The following ZNF330 variants were observed in gnomAD, a reference collection of about 807,000 sequenced individuals.
The protein encoded by ZNF330 is nucleolar atypical zinc finger.
A neutral mutation model predicts 45.5 loss-of-function variants in ZNF330; 31 were observed. That is an observed-to-expected ratio of 0.68 (90% CI 0.51 to 0.92). The LOEUF is 0.92. ZNF330 is among the 40% of genes least tolerant of loss of function. The probability of loss-of-function intolerance (pLI) is 0.00; values close to 1 mark genes in which losing one functional copy is unlikely to be tolerated. For synonymous variants in ZNF330, 138 were observed against 123.2 expected (o/e 1.12, Z -0.79); for missense variants, 356 against 387.4 (o/e 0.92, Z 0.68).
intron 4 of ZNF330, among the ~76,000 whole-genome samples, chr4:141,224,976 A>G (rs1728768165): frequency 6.6e-6 from 1 of 152,130 alleles, no homozygotes; most frequent in Non-Finnish European, 1.5e-5. Context: ...GTGATCCTGA[A>G]CTTTTAGTTA....
chr4:141,224,990 T>C (rs1728768604), intron 4 of ZNF330, among the ~76,000 whole-genome samples: 1 of 152,148 alleles, frequency 6.6e-6, no homozygotes, highest in South Asian at 2.1e-4. Flanking sequence ...TTAGTTATAC[T>C]ACCTTAGTCT....
intron 9 of ZNF330, 92 bp downstream of exon 9, chr4:141,232,734 CTCT>C (rs1230364103): frequency 3.3e-6 from 2 of 602,998 alleles, no homozygotes; most frequent in Admixed American, 3.4e-5. Context: ...TTCTTATTGC[CTCT>C]TCTTATTTGA....
At chr4:141,233,265 C>T (rs1729002328) in intron 9 of ZNF330, among the ~76,000 whole-genome samples, 1 of 152,152 alleles carries the variant, frequency 6.6e-6, no homozygotes, top group African/African-American at 2.4e-5. Flanking sequence ...TGAGGTGAGA[C>T]TGATGATTTT....
Position 141,232,503 on chromosome 4 carries a change from T to G in ZNF330, c.571-22T>G. The G allele has an allele frequency of 2.3e-6, 3 of 1,309,228 alleles. No homozygotes were observed. The South Asian group carries it at 5.0e-5, about 22-fold the overall frequency. The allele number at this position is 1,309,228 out of a possible 1,614,324, so 81.1% of individuals were successfully genotyped here. ...ATTTTTACATTTTTATTTATTTACT[T>G]TATTTTGCTTCTCCTATACAGGCTT... On this transcript the variant is annotated intron_variant, in intron 8 of 9. Coordinates refer to ENST00000262990, the MANE Select transcript of ZNF330 (RefSeq NM_014487.6).
chr4:141,221,593 T>C (rs938376236), intron 1 of ZNF330, among the ~76,000 whole-genome samples: 2 of 152,196 alleles, frequency 1.3e-5, no homozygotes, highest in Admixed American at 6.5e-5. Context: ...CTATTAAATC[T>C]GGCTATTTTT....
chr4:141,233,987 T>C lies in ZNF330; in HGVS notation c.961T>C (p.Ter321GlnextTer9). ...TGCTCACTATGAGGAACAAGAGAAC[T>C]AGGGGAGCTGCTCTGGTGGCCGTGT... ...GYAHYEEQEN[*>Q] is the part of the protein sequence containing the mutation. The change falls in exon 10 of 10, where the codon TAG becomes CAG. Residue 321 changes from the stop codon to glutamine (Q), a stop_lost. Coordinates refer to ENST00000262990, the MANE Select transcript of ZNF330 (RefSeq NM_014487.6). 1.2e-6 allele frequency: 2 copies of C among 1,610,158 alleles called. No individual in the cohort carries two copies.
chr4:141,230,373 T>G lies in ZNF330; in HGVS notation c.523+103T>G, dbSNP rs1728920598. ...TCAAGTTTTTTTATACTGCTTCTCA[T>G]GAACTGTAATTTAACTCAGTCTTTA... On this transcript the variant is annotated intron_variant, in intron 7 of 9. Coordinates refer to ENST00000262990, the MANE Select transcript of ZNF330 (RefSeq NM_014487.6). The G allele has an allele frequency of 1.0e-5, 6 of 593,434 alleles. No individual in the cohort carries two copies. In the South Asian group the frequency reaches 1.7e-4, roughly 17 times the overall value. 36.8% of individuals were successfully genotyped at this position (593,434 alleles called of 1,614,324 possible).
At chr4:141,222,131 G>C (rs1357703139) in intron 1 of ZNF330, among the ~76,000 whole-genome samples, 2 of 151,974 alleles carry the variant, frequency 1.3e-5, no homozygotes, top group Admixed American at 6.6e-5. Flanking sequence ...AAATTTTTTT[G>C]ACGTTTACAT....
At chr4:141,223,136 C>T (rs895719553) in intron 2 of ZNF330, among the ~76,000 whole-genome samples, 2 of 152,102 alleles carry the variant, frequency 1.3e-5, no homozygotes, top group South Asian at 2.1e-4. Context: ...GTTTAGCAAA[C>T]GTTTATTGTG....
chr4:141,232,911 T>TC (rs1728994105), intron 9 of ZNF330, among the ~76,000 whole-genome samples: 1 of 151,630 alleles, frequency 6.6e-6, no homozygotes, highest in Non-Finnish European at 1.5e-5. Flanking sequence ...AGAGTGATTT[T>TC]TTTTTATTTT....
At chr4:141,233,376 A>G (rs1284226408) in intron 9 of ZNF330, among the ~76,000 whole-genome samples, 1 of 152,164 alleles carries the variant, frequency 6.6e-6, no homozygotes, top group Non-Finnish European at 1.5e-5. Flanking sequence ...GTCTTAAGAA[A>G]AATGTACTGA....
intron 5 of ZNF330, 85 bp from the exon 6 acceptor site, chr4:141,229,486 T>C (rs1322214991): frequency 6.4e-7 from 1 of 1,555,362 alleles, no homozygotes; most frequent in Non-Finnish European, 8.8e-7. Flanking sequence ...GCTAAATGTA[T>C]ACAGTTTTGA....
intron 1 of ZNF330, among the ~76,000 whole-genome samples, chr4:141,222,160 C>T (rs934550235): frequency 6.6e-6 from 1 of 151,924 alleles, no homozygotes; most frequent in Non-Finnish European, 1.5e-5. Context: ...TCGTTAGTGC[C>T]AATAAATGCG....
intron 2 of ZNF330, 135 bp downstream of exon 2, chr4:141,222,626 C>G: frequency 1.1e-6 from 1 of 879,872 alleles, no homozygotes; most frequent in South Asian, 2.0e-5. Flanking sequence ...ATCTCTGGCA[C>G]GTCTGTTGAT....
Position 141,229,635 on chromosome 4 carries a change from C to A in ZNF330, c.356C>A (p.Ala119Asp). 2.5e-6 allele frequency: 4 copies of A among 1,613,206 alleles called. No individual in the cohort carries two copies. The highest frequency in any genetic ancestry group is 3.4e-6 in the Non-Finnish European group (4 of 1,179,368). Residue 119 changes from alanine (A) to aspartate (D), a missense_variant, in exon 6 of 10, where the codon GCT becomes GAT. By Grantham distance (126) the Ala-to-Asp change is moderately radical. Coordinates refer to ENST00000262990, the MANE Select transcript of ZNF330 (RefSeq NM_014487.6). Reference sequence around the variant, plus strand: ...GGTAGGAAATGTCTCAGTACACATGCTTGTGCCTGCCCTCTTACCGATGCT... The same window carrying A: ...GGTAGGAAATGTCTCAGTACACATGATTGTGCCTGCCCTCTTACCGATGCT... ...CHGRKCLSTHACACPLTDAEC... is the reference protein window; with the variant it reads ...CHGRKCLSTHDCACPLTDAEC...
intron 9 of ZNF330, among the ~76,000 whole-genome samples, chr4:141,233,423 G>C (rs1169222993): frequency 6.6e-6 from 1 of 152,104 alleles, no homozygotes; most frequent in African/African-American, 2.4e-5. Context: ...TATGTGATTT[G>C]AAAATAAACT....
In ZNF330 at chr4:141,220,948, G is replaced by C. The variant is rs1197429062; in HGVS notation, c.-167G>C. 3 of 152,278 alleles carry C rather than the reference G, an allele frequency of 2.0e-5. No individual in the cohort carries two copies. The highest frequency in any genetic ancestry group is 4.4e-5 in the Non-Finnish European group (3 of 68,080). 9.4% of individuals were successfully genotyped at this position (152,278 alleles called of 1,614,324 possible). On this transcript the variant is annotated 5_prime_UTR_variant, in exon 1 of 10. Coordinates refer to ENST00000262990, the MANE Select transcript of ZNF330 (RefSeq NM_014487.6). ...TCCTAGTGTCCGGAATCGGCTGTCA[G>C]CCTCCCTGGCTGTTAGTACCTTCTT...
intron 2 of ZNF330, 193 bp downstream of exon 2, chr4:141,222,684 C>T: frequency 2.1e-6 from 1 of 484,992 alleles, no homozygotes; most frequent in Non-Finnish European, 3.6e-6. Flanking sequence ...TATTATAAAA[C>T]CTAGCATATT....
rs1728758364 is a variant in ZNF330 at position 141,224,626 on chromosome 4, T to C, written c.160T>C (p.Phe54Leu). 9 of 1,613,638 alleles carry C rather than the reference T, an allele frequency of 5.6e-6. No homozygotes were observed. The highest frequency in any genetic ancestry group is 7.6e-6 in the Non-Finnish European group (9 of 1,179,680). Residue 54 changes from phenylalanine (F) to leucine (L), a missense_variant, in exon 4 of 10, where the codon TTT becomes CTT. Physicochemically the swap from Phe to Leu is conservative, Grantham distance 22. Coordinates refer to ENST00000262990, the MANE Select transcript of ZNF330 (RefSeq NM_014487.6). ...KCQRRQKNRA[F>L]CYFCNSVQKL... The stretch of plus-strand genomic sequence containing the variant: ...GACAAGGCGGCAGAAGAATAGAGCA[T>C]TTTGCTACTTTTGTAATTCTGTACA...
Sources: allele counts gnomAD v4.1 joint callset (sites outside exome capture counted in the v4.1 genomes callset), GRCh38; gene constraint gnomAD v4.1.1; transcripts MANE v1.5; gene names NCBI Gene and HGNC (gene_info 2026-07-23, HGNC 2026-07-21).